HUNK: variants seen among roughly 807,000 people sequenced by gnomAD.
HUNK encodes the protein hormonally up-regulated neu tumor-associated kinase.
HUNK carries 21 observed loss-of-function variants against 61.0 expected under a neutral mutation model. That is an observed-to-expected ratio of 0.34 (90% confidence interval 0.24 to 0.50). HUNK has a LOEUF of 0.50. Ranked by LOEUF, HUNK falls within the 20% of genes least tolerant of loss-of-function variation. HUNK has a pLI of 0.98. For synonymous variants in HUNK, 371 were observed against 386.1 expected, an observed-to-expected ratio of 0.96 and a Z score of 0.46; for missense variants, 772 against 945.7, an observed-to-expected ratio of 0.82 and a Z score of 2.41.
chr21:31,915,545 T>A (rs1007509633), intron 1 of HUNK, among the ~76,000 whole-genome samples: 2 of 152,028 alleles, frequency 1.3e-5, no homozygotes, highest in African/African-American at 4.8e-5. Flanking sequence ...TAAAGAGGAG[T>A]CTCTTTGATC....
Position 31,940,170 on chromosome 21 carries a change from T to G in HUNK, c.560T>G (p.Leu187Trp). The G allele has an allele frequency of 3.1e-6, 5 of 1,595,486 alleles. No homozygotes were observed. The highest frequency in any genetic ancestry group is 4.3e-6 in the Non-Finnish European group (5 of 1,170,608). The change falls in exon 3 of 11, where the codon TTG (leucine) becomes TGG (tryptophan). Residue 187 changes from leucine (L) to tryptophan (W), a missense_variant. Leu to Trp is a moderately conservative substitution (Grantham distance 61, BLOSUM62 -2). Transcript: ENST00000270112. The part of the protein sequence containing the change: ...LHRAGVVHRD[L>W]KIENLLLDED... ...TGTGGTTTTGTTTATTTCAGAGACTTGAAGATAGAGAATTTGCTACTAGAT... is the reference window on the plus strand; with the variant it reads ...TGTGGTTTTGTTTATTTCAGAGACTGGAAGATAGAGAATTTGCTACTAGAT...
rs770306362 is a variant in HUNK at position 31,999,012 on chromosome 21, A to G, written c.1973A>G (p.Lys658Arg). 5.0e-6 allele frequency: 8 copies of G among 1,614,056 alleles called. No individual in the cohort carries two copies. Among genetic ancestry groups the G allele is most frequent in the African/African-American group, 1.3e-5 (1 of 74,922 alleles). ...MQPLGSPNCV[K>R]SRGRFPMMGI... ...CCTCTGGGGAGCCCCAATTGTGTGA[A>G]AAGCCGAGGCCGGTTCCCTATGATG... is the stretch of plus-strand genomic sequence containing the variant. Residue 658 changes from lysine (K) to arginine (R), a missense_variant, in exon 11 of 11, where the codon AAA (lysine) becomes AGA (arginine). Coordinates refer to ENST00000270112, the MANE Select transcript of HUNK (RefSeq NM_014586.2).
chr21:31,958,645 C>T lies in HUNK; in HGVS notation c.747-198C>T, dbSNP rs559894975. 1.5e-4 allele frequency among the ~76,000 whole-genome samples: 23 copies of T among 152,246 alleles called. No individual in the cohort carries two copies. The East Asian group carries it at 4.3e-3, about 28-fold the overall frequency. On this transcript the variant is annotated intron_variant, in intron 4 of 10. Coordinates refer to ENST00000270112, the MANE Select transcript of HUNK (RefSeq NM_014586.2). ...TCCACCTCCCAAAGTGCTGGGATTA[C>T]AGGCATGAGCCACCATGTCCGACCT...
intron 10 of HUNK, among the ~76,000 whole-genome samples, 178 bp from the exon 11 acceptor site, chr21:31,998,348 G>A (rs1208501265): frequency 6.6e-6 from 1 of 152,202 alleles, no homozygotes; most frequent in Non-Finnish European, 1.5e-5. Context: ...CGACCTCTGT[G>A]GGGAGAGTGA....
At chr21:31,917,573 G>A (rs2052592059) in intron 1 of HUNK, among the ~76,000 whole-genome samples, 1 of 151,960 alleles carries the variant, frequency 6.6e-6, no homozygotes, top group African/African-American at 2.4e-5. Flanking sequence ...TTTTGAAAAG[G>A]CTTGCAACTT....
chr21:31,956,553 A>C (rs2052890549), intron 4 of HUNK, among the ~76,000 whole-genome samples: 2 of 152,172 alleles, frequency 1.3e-5, no homozygotes, highest in East Asian at 1.9e-4. Flanking sequence ...CAAATATATC[A>C]CTAGCCCTGA....
At chr21:31,948,451 TC>T (rs1422325789) in intron 4 of HUNK, among the ~76,000 whole-genome samples, 1 of 152,292 alleles carries the variant, frequency 6.6e-6, no homozygotes, top group African/African-American at 2.4e-5. Flanking sequence ...CCATGTACCC[TC>T]CAGTGCCTGG....
Position 32,003,372 on chromosome 21 carries a change from T to G in HUNK, c.*4188T>G, listed in dbSNP as rs1051513778. 4 of 151,174 alleles carry G rather than the reference T, an allele frequency of 2.6e-5. No individual in the cohort carries two copies. Among genetic ancestry groups the G allele is most frequent in the African/African-American group, 7.2e-5 (3 of 41,430 alleles). 9.4% of individuals were successfully genotyped at this position (151,174 alleles called of 1,614,324 possible). A position where few individuals can be genotyped will look rare whatever the true frequency, so the allele number is the denominator to read the frequency against. On this transcript the variant is annotated 3_prime_UTR_variant, in exon 11 of 11. Coordinates refer to ENST00000270112, the MANE Select transcript of HUNK (RefSeq NM_014586.2). ...CCCCTGGATAGCCTTGTTATCTACT[T>G]TAGGTATTAAGAGGCTATTGGGTTT... is the stretch of plus-strand genomic sequence containing the variant.
At chr21:31,911,038 C>T (rs917355911) in intron 1 of HUNK, among the ~76,000 whole-genome samples, 1 of 152,178 alleles carries the variant, frequency 6.6e-6, no homozygotes, top group African/African-American at 2.4e-5. Flanking sequence ...GTCAACTGTA[C>T]AATCACATTG....
At chr21:31,968,603 C>G (rs1456938075) in intron 6 of HUNK, among the ~76,000 whole-genome samples, 1 of 152,064 alleles carries the variant, frequency 6.6e-6, no homozygotes, top group Non-Finnish European at 1.5e-5. Flanking sequence ...GCAGGGGCAC[C>G]TGGAGGAGAG....
At chr21:31,974,459 T>C in intron 6 of HUNK, 96 bp from the exon 7 acceptor site, 1 of 1,139,618 alleles carries the variant, frequency 8.8e-7, no homozygotes, top group African/African-American at 1.6e-5. Context: ...AGTGAATGAA[T>C]GAGTGAATGA....
At position 31,998,859 on chromosome 21, in the gene HUNK, G is replaced by T; in HGVS notation, c.1820G>T (p.Ser607Ile). Residue 607 changes from serine to isoleucine, a missense_variant, in exon 11 of 11, where the codon AGC becomes ATC. Transcript: ENST00000270112. ...CTGTCCCCGGGTCTGCCATCCGGAAGCATGTCGCCTCTCCATACTCCTTTG... is the reference window on the plus strand; with the variant it reads ...CTGTCCCCGGGTCTGCCATCCGGAATCATGTCGCCTCTCCATACTCCTTTG... Reference protein sequence around the residue: ...RTLSPGLPSGSMSPLHTPLHP... With the variant: ...RTLSPGLPSGIMSPLHTPLHP... 6.2e-7 allele frequency: 1 copy of T among 1,614,180 alleles called. No homozygotes were observed. Among genetic ancestry groups the T allele is most frequent in the South Asian group, 1.1e-5 (1 of 91,076 alleles).
At chr21:31,983,734 T>A in intron 8 of HUNK, 125 bp downstream of exon 8, 1 of 671,160 alleles carries the variant, frequency 1.5e-6, no homozygotes, top group Non-Finnish European at 2.6e-6. Flanking sequence ...CTTACGCTCA[T>A]AACTGAGCCC....
chr21:31,985,510 C>T (rs182560584), intron 8 of HUNK, among the ~76,000 whole-genome samples: 10 of 152,260 alleles, frequency 6.6e-5, no homozygotes, highest in African/African-American at 2.2e-4. Flanking sequence ...GGACTTGCCC[C>T]CGGCATAGAG....
At chr21:31,912,060 C>G (rs1020230877) in intron 1 of HUNK, among the ~76,000 whole-genome samples, 4 of 152,184 alleles carry the variant, frequency 2.6e-5, no homozygotes, top group African/African-American at 9.7e-5. Context: ...CGGCTGCTGT[C>G]TACCCCAAAT....
intron 5 of HUNK, among the ~76,000 whole-genome samples, chr21:31,962,520 C>A (rs1310243285): frequency 6.6e-6 from 1 of 152,186 alleles, no homozygotes; most frequent in African/African-American, 2.4e-5. Flanking sequence ...TAAAAATGTT[C>A]CCAGCAATTT....
chr21:31,933,394 A>C (rs1261597067), intron 2 of HUNK, among the ~76,000 whole-genome samples: 1 of 152,058 alleles, frequency 6.6e-6, no homozygotes, highest in Non-Finnish European at 1.5e-5. Flanking sequence ...TCACGCTTAT[A>C]ATCCCAGCAC....
At chr21:31,885,309 C>T (rs1035781675) in intron 1 of HUNK, among the ~76,000 whole-genome samples, 8 of 152,184 alleles carry the variant, frequency 5.3e-5, no homozygotes, top group African/African-American at 1.4e-4. Flanking sequence ...TGGCACTCTT[C>T]GAGGGGCTCT....
chr21:31,898,901 T>C (rs915923384), intron 1 of HUNK, among the ~76,000 whole-genome samples: 5 of 152,214 alleles, frequency 3.3e-5, no homozygotes, highest in Admixed American at 3.3e-4. Context: ...CTAAATAGTT[T>C]GTTAGGCTCC....
Sources: gnomAD v4.1 joint callset for allele counts (sites outside exome capture counted in the v4.1 genomes callset) on GRCh38, gnomAD v4.1.1 for gene constraint, MANE v1.5 for transcripts, NCBI Gene and HGNC (gene_info 2026-07-23, HGNC 2026-07-21) for gene names.